Variants in MYH2 observed in about 807,000 individuals in gnomAD.
The protein encoded by MYH2 is myosin-2.
A neutral mutation model predicts 228.1 loss-of-function variants in MYH2; 139 were observed. The ratio of observed to expected loss-of-function variants is 0.61; its 90% confidence interval spans 0.53 to 0.70. MYH2 has a LOEUF of 0.70. Among genes scored for constraint, MYH2 ranks in the 30% least tolerant of loss-of-function variants. The probability of loss-of-function intolerance (pLI) is 0.00; values close to 1 mark genes in which losing one functional copy is unlikely to be tolerated. For synonymous variants in MYH2, 796 were observed against 871.1 expected (o/e 0.91, Z 1.52); for missense variants, 1,809 against 2,357.5 (o/e 0.77, Z 4.82).
chr17:10,522,916 A>G (rs2073301655), intron 39 of MYH2, among the ~76,000 whole-genome samples, 174 bp downstream of exon 39: 1 of 152,202 alleles, frequency 6.6e-6, no homozygotes, highest in Non-Finnish European at 1.5e-5. Flanking sequence ...GTGGATTGAA[A>G]GTTTACTTTT....
chr17:10,545,275 G>A, intron 5 of MYH2, 71 bp downstream of exon 5: 5 of 1,610,434 alleles, frequency 3.1e-6, no homozygotes, highest in Non-Finnish European at 4.2e-6. Context: ...TGTTGAGATT[G>A]CCTCGAGTCT....
At position 10,547,931 on chromosome 17, in the gene MYH2, C is replaced by T; in HGVS notation, c.-11G>A. 11 of 1,613,928 alleles carry T rather than the reference C, an allele frequency of 6.8e-6. No homozygotes were observed. Among genetic ancestry groups the T allele is most frequent in the Non-Finnish European group, 8.5e-6 (10 of 1,179,842 alleles). On this transcript the variant is annotated 5_prime_UTR_variant, in exon 3 of 40. Coordinates refer to ENST00000245503, the MANE Select transcript of MYH2 (RefSeq NM_017534.6). ...TGAGTCTGAACTCATGGCTGCTGAA[C>T]TCAGAGGTCCTAAAGGAGATAAAAC...
Position 10,523,075 on chromosome 17 carries a change from C to T in MYH2, c.5673+15G>A. 6.3e-7 allele frequency: 1 copy of T among 1,584,980 alleles called. No individual in the cohort carries two copies. The highest frequency in any genetic ancestry group is 8.7e-7 in the Non-Finnish European group (1 of 1,153,592). ...ATTAGCTTAATTTGAGGACTTCAAT[C>T]TTAAAAATACTTACAGCCTCCTCAG... On this transcript the variant is annotated intron_variant, in intron 39 of 39. Transcript: ENST00000245503.
intron 4 of MYH2, 111 bp downstream of exon 4, chr17:10,547,364 C>T: frequency 2.9e-6 from 4 of 1,367,092 alleles, no homozygotes; most frequent in South Asian, 1.2e-5. Context: ...AGTTATGCTG[C>T]AATGAAAGTG....
Position 10,525,553 on chromosome 17 carries a change from C to G in MYH2, c.4435G>C (p.Glu1479Gln). 6.2e-7 allele frequency: 1 copy of G among 1,614,188 alleles called. No individual in the cohort carries two copies. The highest frequency in any genetic ancestry group is 8.5e-7 in the Non-Finnish European group (1 of 1,180,034). Residue 1479 changes from glutamate (E) to glutamine (Q), a missense_variant, in exon 32 of 40, where the codon GAG becomes CAG. This residue lies in a region of MYH2 where 636 missense variants were observed against 729.9 expected (regional missense o/e 0.87). Transcript: ENST00000245503. This position sits in a 1 kb window ranked among gnomAD's most constrained non-coding sequence, Gnocchi z 4.2. The stretch of plus-strand genomic sequence containing the variant: ...AGCTCAGTGCCAAGGGAACGGGCCT[C>G]CTTCTGGGAGGCCTCAAGCTCAGCA... ...THAELEASQK[E>Q]ARSLGTELFK...
chr17:10,545,225 A>G (rs750519872), intron 5 of MYH2, 121 bp downstream of exon 5: 56 of 1,576,932 alleles, frequency 3.6e-5, no homozygotes, highest in Non-Finnish European at 4.6e-5. Flanking sequence ...TCCTTCATAA[A>G]TACACCAGCC....
intron 28 of MYH2, 64 bp downstream of exon 28, chr17:10,527,684 T>C: frequency 1.9e-6 from 3 of 1,610,986 alleles, no homozygotes; most frequent in Non-Finnish European, 2.5e-6. Context: ...CTTCACCAAA[T>C]CAGTCCGTTG....
Position 10,525,380 on chromosome 17 carries a change from TG to T in MYH2, c.4538-33del, listed in dbSNP as rs767663862. 2 of 1,614,070 alleles carry T rather than the reference TG, an allele frequency of 1.2e-6. No individual in the cohort carries two copies. The highest frequency in any genetic ancestry group is 2.2e-5 in the South Asian group (2 of 91,084). On this transcript the variant is annotated intron_variant, in intron 32 of 39. Coordinates refer to ENST00000245503, the MANE Select transcript of MYH2 (RefSeq NM_017534.6). This position sits in a 1 kb window ranked among gnomAD's most constrained non-coding sequence, Gnocchi z 4.2. ...TTTGAGTAAAAGACAGGTAGGGATT[TG>T]GTTAAACATGTGACATAAGGGAGAG...
At chr17:10,534,213 G>A (rs954544330) in intron 19 of MYH2, among the ~76,000 whole-genome samples, 18 of 152,176 alleles carry the variant, frequency 1.2e-4, no homozygotes, top group African/African-American at 3.9e-4. Flanking sequence ...AAAGGGACCT[G>A]AGGAACAGTC....
In MYH2 at chr17:10,525,244, C is replaced by G. The variant is rs947669039; in HGVS notation, c.4642G>C (p.Ala1548Pro). 4 of 1,613,978 alleles carry G rather than the reference C, an allele frequency of 2.5e-6. No individual in the cohort carries two copies. The highest frequency in any genetic ancestry group is 1.3e-5 in the African/African-American group (1 of 74,914). ...TGTACCTCTGCTTCTTCTAAAGCAG[C>G]CTGAAGTTCACACTTTTCTTGTTCC... ...QVEQEKCELQ[A>P]ALEEAEASLE... is the part of the protein sequence containing the mutation. Residue 1548 changes from alanine to proline, a missense_variant, in exon 33 of 40, where the codon GCT becomes CCT. Physicochemically the swap from Ala to Pro is conservative, Grantham distance 27 (BLOSUM62 -1). Transcript: ENST00000245503. The surrounding 1 kb of genome is among the most constrained non-coding windows in gnomAD (Gnocchi z 4.2).
rs1254733485 is a variant in MYH2 at position 10,539,925 on chromosome 17, T to C, written c.1147+3A>G. On this transcript the variant is annotated splice_donor_region_variant and intron_variant, in intron 12 of 39. Coordinates refer to ENST00000245503, the MANE Select transcript of MYH2 (RefSeq NM_017534.6). The stretch of plus-strand genomic sequence containing the variant: ...AAAATCATGGGAGTGACTTAGTTGA[T>C]ACCTTCTGTGCCATCTGGCTCTGCT... The C allele has an allele frequency of 1.2e-6, 2 of 1,613,976 alleles. No homozygotes were observed. The highest frequency in any genetic ancestry group is 1.7e-6 in the Non-Finnish European group (2 of 1,179,984).
rs764189342 is a variant in MYH2, at chr17:10,526,778, C to T, written c.4008G>A (p.Ala1336=). Residue 1336 remains alanine, a synonymous_variant, in exon 30 of 40, where the codon GCG becomes GCA. Transcript: ENST00000245503. ...CGTGGCGGGAAGACTGCAGGGCATG[C>T]GCCAGGGCGTTCTTGGCCTATGGAG... ...EEEIKAKNAL[A]HALQSSRHDC... 16 of 1,614,120 alleles carry T rather than the reference C, an allele frequency of 9.9e-6. No homozygotes were observed. The highest frequency in any genetic ancestry group is 6.7e-5 in the East Asian group (3 of 44,898).
chr17:10,547,090 CA>C (rs1237644250), intron 4 of MYH2, among the ~76,000 whole-genome samples: 2 of 151,264 alleles, frequency 1.3e-5, no homozygotes, highest in Non-Finnish European at 3.0e-5. Context: ...GACTCTGTCT[CA>C]AAAAAAAATT....
At chr17:10,535,016 T>G in intron 19 of MYH2, 57 bp downstream of exon 19, 1 of 1,565,608 alleles carries the variant, frequency 6.4e-7, no homozygotes, top group East Asian at 2.2e-5. Flanking sequence ...TTGTTTTGCT[T>G]GCATTAAACT....
Position 10,537,616 on chromosome 17 carries a change from C to T in MYH2, c.1587+49G>A, listed in dbSNP as rs182775814. The T allele has an allele frequency of 1.1e-4, 173 of 1,614,068 alleles. No homozygotes were observed. The highest frequency in any genetic ancestry group is 2.3e-4 in the African/African-American group (17 of 74,988). On this transcript the variant is annotated intron_variant, in intron 15 of 39. Coordinates refer to ENST00000245503, the MANE Select transcript of MYH2 (RefSeq NM_017534.6). This position sits in a 1 kb window ranked among gnomAD's most constrained non-coding sequence, Gnocchi z 4.0. Reference sequence around the variant, plus strand: ...TCTATAGAATTAAAATAAAAAGCAGCGAATAATATAGTTGCCGCAAAATAT... The same window carrying T: ...TCTATAGAATTAAAATAAAAAGCAGTGAATAATATAGTTGCCGCAAAATAT...
rs758440627 is a variant in MYH2, at chr17:10,528,856, G to C, written c.3578C>G (p.Ala1193Gly). 1 of 1,614,214 alleles carries C rather than the reference G, an allele frequency of 6.2e-7. No individual in the cohort carries two copies. Among genetic ancestry groups the C allele is most frequent in the Non-Finnish European group, 8.5e-7 (1 of 1,180,050 alleles). ...DLEEATLQHE[A>G]TAATLRKKHA... is the part of the protein sequence containing the mutation. Reference sequence around the variant, plus strand: ...CTTCTTCCTCAGGGTGGCCGCTGTGGCTTCATGCTGTAGGGTGGCCTCCTC... The same window carrying C: ...CTTCTTCCTCAGGGTGGCCGCTGTGCCTTCATGCTGTAGGGTGGCCTCCTC... Residue 1193 changes from alanine to glycine, a missense_variant, in exon 27 of 40, where the codon GCC becomes GGC. This residue lies in a region of MYH2 where 636 missense variants were observed against 729.9 expected (regional missense o/e 0.87). Coordinates refer to ENST00000245503, the MANE Select transcript of MYH2 (RefSeq NM_017534.6).
At chr17:10,538,767 GA>G (rs112752773) in intron 14 of MYH2, among the ~76,000 whole-genome samples, 8,920 of 150,452 alleles carry the variant, frequency 0.059, 285 homozygotes, top group South Asian at 0.12. Context: ...TGTATAATTA[GA>G]AAAAAAAATT....
In MYH2 at chr17:10,542,910, T is replaced by TA. The variant is rs1440820907; in HGVS notation, c.868dup (p.Tyr290LeufsTer7). ...TGGTTTCTTATTCGATGTAATCTGGTAAAAAATATGATAACTTCTCTCAGC... is the reference window on the plus strand; with the variant it reads ...TGGTTTCTTATTCGATGTAATCTGGTAAAAAAATATGATAACTTCTCTCAGC... On this transcript the variant is annotated frameshift_variant, in exon 10 of 40. Transcript: ENST00000245503. LOFTEE classifies it high-confidence loss of function. 5 of 1,611,910 alleles carry TA rather than the reference T, an allele frequency of 3.1e-6. No individual in the cohort carries two copies. Among genetic ancestry groups the TA allele is most frequent in the African/African-American group, 2.7e-5 (2 of 74,866 alleles).
intron 2 of MYH2, among the ~76,000 whole-genome samples, chr17:10,548,365 A>G (rs956917869): frequency 2.0e-5 from 3 of 152,202 alleles, no homozygotes; most frequent in African/African-American, 4.8e-5. Flanking sequence ...AGAGGTTTAA[A>G]TGATGACTGA....
Sources: gnomAD v4.1 joint callset for allele counts (sites outside exome capture counted in the v4.1 genomes callset) on GRCh38, gnomAD v4.1.1 for gene constraint, gnomAD v4.1.1 regional missense constraint, Gnocchi (gnomAD v3.1) non-coding constraint, MANE v1.5 for transcripts, NCBI Gene and HGNC (gene_info 2026-07-23, HGNC 2026-07-21) for gene names.